Variants in CNTNAP2 observed in about 807,000 individuals in gnomAD.
CNTNAP2 encodes contactin associated protein 2.
In CNTNAP2, 98 loss-of-function variants were observed where a neutral mutation model predicts 155.2. That is an observed-to-expected ratio of 0.63 (90% CI 0.54 to 0.75). The LOEUF is 0.75. Ranked by LOEUF, CNTNAP2 falls within the 30% of genes least tolerant of loss-of-function variation. The probability of loss-of-function intolerance (pLI) is 0.00; values close to 1 mark genes in which losing one functional copy is unlikely to be tolerated. For missense variants in CNTNAP2, 1,727 were observed against 1,688.1 expected, an observed-to-expected ratio of 1.02 and a Z score of -0.40; for synonymous variants, 651 against 631.2, an observed-to-expected ratio of 1.03 and a Z score of -0.47.
chr7:146,138,680 A>G lies in CNTNAP2; in HGVS notation c.97+21707A>G, dbSNP rs545088089. The stretch of plus-strand genomic sequence containing the variant: ...AATATATGTGTTTTTGTGTGTGTAC[A>G]TATGTGTGTGTGTAGGCAGATTTTA... On this transcript the variant is annotated intron_variant, in intron 1 of 23. Coordinates refer to ENST00000361727, the MANE Select transcript of CNTNAP2 (RefSeq NM_014141.6). Among the ~76,000 whole-genome samples the G allele has an allele frequency of 4.6e-5, 7 of 152,186 alleles. No homozygotes were observed. The East Asian group carries it at 1.4e-3, about 29-fold the overall frequency.
intron 16 of CNTNAP2, among the ~76,000 whole-genome samples, chr7:148,125,742 G>C (rs1420389346): frequency 6.8e-6 from 1 of 147,994 alleles, no homozygotes; most frequent in Non-Finnish European, 1.5e-5. Flanking sequence ...CACTCTGCCA[G>C]CTGGGCTAGA....
intron 13 of CNTNAP2, among the ~76,000 whole-genome samples, chr7:147,827,859 C>T (rs1388683023): frequency 6.6e-6 from 1 of 151,966 alleles, no homozygotes; most frequent in Non-Finnish European, 1.5e-5. Flanking sequence ...TTTATTTAAT[C>T]AAAGATAAAG....
intron 14 of CNTNAP2, among the ~76,000 whole-genome samples, chr7:147,954,869 A>G (rs1290733878): frequency 6.6e-6 from 1 of 152,324 alleles, no homozygotes; most frequent in African/African-American, 2.4e-5. Context: ...CAATAGTATA[A>G]AAAGGCTGAA....
intron 1 of CNTNAP2, among the ~76,000 whole-genome samples, chr7:146,348,750 G>A (rs1023368689): frequency 2.0e-5 from 3 of 150,152 alleles, no homozygotes; most frequent in Non-Finnish European, 3.0e-5. Context: ...TCGATATCTT[G>A]TCTCGTTAAC....
intron 1 of CNTNAP2, among the ~76,000 whole-genome samples, chr7:146,584,646 CTTG>C (rs1240180845): frequency 2.0e-5 from 3 of 152,118 alleles, no homozygotes; most frequent in Non-Finnish European, 4.4e-5. Context: ...CATAAGCTCT[CTTG>C]TTGTAGTAAG....
chr7:147,993,432 C>T (rs928540100), intron 15 of CNTNAP2, among the ~76,000 whole-genome samples: 1 of 152,162 alleles, frequency 6.6e-6, no homozygotes, highest in African/African-American at 2.4e-5. Context: ...TAGATAGATG[C>T]TCCAAAATTA....
intron 1 of CNTNAP2, among the ~76,000 whole-genome samples, chr7:146,170,120 G>A (rs1798368927): frequency 6.7e-6 from 1 of 150,330 alleles, no homozygotes; most frequent in Admixed American, 6.7e-5. Flanking sequence ...TCTGCCTCCT[G>A]GGTTCAAGCA....
intron 4 of CNTNAP2, among the ~76,000 whole-genome samples, chr7:147,063,362 T>TAA (rs35966916): frequency 0.025 from 3,795 of 151,348 alleles, 147 homozygotes; most frequent in African/African-American, 0.082. Flanking sequence ...ACTTTGTTGG[T>TAA]AAAAAAAAAT....
chr7:146,117,050 C>T lies in CNTNAP2; in HGVS notation c.97+77C>T, dbSNP rs1369088881. On this transcript the variant is annotated intron_variant, in intron 1 of 23. Coordinates refer to ENST00000361727, the MANE Select transcript of CNTNAP2 (RefSeq NM_014141.6). Reference sequence around the variant, plus strand: ...ATGTTTGGCACCAGGGTATCAACTCCGAAGTGCATCGCAGTGCTGGCACCC... The same window carrying T: ...ATGTTTGGCACCAGGGTATCAACTCTGAAGTGCATCGCAGTGCTGGCACCC... The T allele has an allele frequency of 9.7e-6, 12 of 1,241,696 alleles. No homozygotes were observed. The East Asian group carries it at 2.3e-4, about 24-fold the overall frequency. The allele number at this position is 1,241,696 out of a possible 1,614,324, so 76.9% of individuals were successfully genotyped here.
intron 8 of CNTNAP2, among the ~76,000 whole-genome samples, chr7:147,270,784 T>C (rs1160322991): frequency 6.6e-6 from 1 of 152,236 alleles, no homozygotes; most frequent in Non-Finnish European, 1.5e-5. Flanking sequence ...AGCTGTCTCT[T>C]TGAATCTAGT....
intron 18 of CNTNAP2, among the ~76,000 whole-genome samples, chr7:148,215,641 A>G (rs1795623576): frequency 6.6e-6 from 1 of 152,000 alleles, no homozygotes; most frequent in African/African-American, 2.4e-5. Context: ...TGTCTTTGTA[A>G]TAATAGTTCA....
At chr7:146,706,308 A>G (rs1017501588) in intron 1 of CNTNAP2, among the ~76,000 whole-genome samples, 1 of 152,158 alleles carries the variant, frequency 6.6e-6, no homozygotes. Flanking sequence ...ACCCTCAGCA[A>G]CTTTATAGCC....
intron 9 of CNTNAP2, among the ~76,000 whole-genome samples, chr7:147,358,758 A>T (rs1796101828): frequency 6.6e-6 from 1 of 152,152 alleles, no homozygotes; most frequent in Non-Finnish European, 1.5e-5. Context: ...TTATTATAAT[A>T]ATGTTGCCAT....
chr7:147,383,121 A>C lies in CNTNAP2; in HGVS notation c.1499-12488A>C, dbSNP rs77435024. 8.3e-3 allele frequency among the ~76,000 whole-genome samples: 1,257 copies of C among 152,042 alleles called. 19 individuals are homozygous for C. The highest frequency in any genetic ancestry group is 0.029 in the African/African-American group (1,206 of 41,408). ...AAGTGATACTTAATATTACATCTTC[A>C]CTTCCTTTAGGTCTTGGTGTCAGTT... On this transcript the variant is annotated intron_variant, in intron 9 of 23. Coordinates refer to ENST00000361727, the MANE Select transcript of CNTNAP2 (RefSeq NM_014141.6).
chr7:147,981,817 G>GTGTGTGTGTGTGTGTGTGTGTGT (rs758963411), intron 15 of CNTNAP2, among the ~76,000 whole-genome samples: 3 of 138,924 alleles, frequency 2.2e-5, no homozygotes, highest in African/African-American at 7.8e-5. Context: ...GTGTGTGTGT[G>GTGTGTGTGTGTGTGTGTGTGTGT]GTTTTTTTTT....
intron 1 of CNTNAP2, among the ~76,000 whole-genome samples, chr7:146,362,875 A>C (rs973135151): frequency 6.9e-6 from 1 of 145,578 alleles, no homozygotes; most frequent in African/African-American, 2.6e-5. Flanking sequence ...GGTTCAAGAG[A>C]TTCTCCTGCC....
At chr7:147,440,536 T>C (rs1271919677) in intron 10 of CNTNAP2, among the ~76,000 whole-genome samples, 1 of 152,148 alleles carries the variant, frequency 6.6e-6, no homozygotes, top group Non-Finnish European at 1.5e-5. Context: ...TATTCTATTT[T>C]TCTGTGTACT....
intron 21 of CNTNAP2, among the ~76,000 whole-genome samples, chr7:148,331,717 G>A (rs199819024): frequency 0.017 from 1,030 of 59,266 alleles, 5 homozygotes; most frequent in Non-Finnish European, 0.021. Context: ...TGGAGTGGAC[G>A]GATGGATTGG....
At chr7:146,983,903 T>G (rs772526921) in intron 3 of CNTNAP2, among the ~76,000 whole-genome samples, 1 of 152,202 alleles carries the variant, frequency 6.6e-6, no homozygotes, top group Non-Finnish European at 1.5e-5. Flanking sequence ...TAAATACCCA[T>G]GGTGAAAAAG....
Sources: gnomAD v4.1 joint callset for allele counts (sites outside exome capture counted in the v4.1 genomes callset) on GRCh38, gnomAD v4.1.1 for gene constraint, MANE v1.5 for transcripts, NCBI Gene and HGNC (gene_info 2026-07-23, HGNC 2026-07-21) for gene names.